FNBP1: variants seen among roughly 807,000 people sequenced by gnomAD.
The protein encoded by FNBP1 is formin-binding protein 1.
Under a neutral mutation model 90.6 loss-of-function variants are expected in FNBP1, and 26 were observed. That is an observed-to-expected ratio of 0.29 (90% CI 0.21 to 0.40). FNBP1 has a LOEUF of 0.40. Ranked by LOEUF, FNBP1 falls within the 10% of genes least tolerant of loss-of-function variation. FNBP1 has a pLI of 1.00. For synonymous variants in FNBP1, 260 were observed against 265.2 expected, an observed-to-expected ratio of 0.98 and a Z score of 0.19; for missense variants, 635 against 768.0, an observed-to-expected ratio of 0.83 and a Z score of 2.05.
At chr9:129,987,384 T>C (rs10739770) in intron 2 of FNBP1, among the ~76,000 whole-genome samples, 150,604 of 152,094 alleles carry the variant, frequency 0.99, 74,596 homozygotes, top group Non-Finnish European at 1. Flanking sequence ...CCCAGTCATA[T>C]AACTCAACTA....
In FNBP1 at chr9:129,890,072, C is replaced by T. The variant is rs1304330796; in HGVS notation, c.*467G>A. ...TCTACAGCAGACAGTCTGGGACACA[C>T]GGATGACATCGACACGGATGACATC... is the stretch of plus-strand genomic sequence containing the variant. On this transcript the variant is annotated 3_prime_UTR_variant, in exon 17 of 17. Coordinates refer to ENST00000446176, the MANE Select transcript of FNBP1 (RefSeq NM_015033.3). The surrounding 1 kb of genome is among the most constrained non-coding windows in gnomAD (Gnocchi z 5.8). 7.6e-6 allele frequency: 2 copies of T among 262,398 alleles called. No individual in the cohort carries two copies. Among genetic ancestry groups the T allele is most frequent in the East Asian group, 5.8e-5 (1 of 17,252 alleles). 16.3% of individuals were successfully genotyped at this position (262,398 alleles called of 1,614,324 possible).
rs2059939418 is a variant in FNBP1 at position 130,042,677 on chromosome 9, G to A, written c.24+275C>T. Among the ~76,000 whole-genome samples the A allele has an allele frequency of 6.6e-6, 1 of 151,660 alleles. No individual in the cohort carries two copies. The highest frequency in any genetic ancestry group is 6.6e-5 in the Admixed American group (1 of 15,218). ...CCCGACACACACGGCCCGCTCCGGG[G>A]CGCCGGGGACAGGGAGGCCCGCCCG... On this transcript the variant is annotated intron_variant, in intron 1 of 16. Coordinates refer to ENST00000446176, the MANE Select transcript of FNBP1 (RefSeq NM_015033.3). This position sits in a 1 kb window ranked among gnomAD's most constrained non-coding sequence, Gnocchi z 5.5.
chr9:130,005,708 T>G (rs529647973), intron 1 of FNBP1, among the ~76,000 whole-genome samples: 7 of 152,342 alleles, frequency 4.6e-5, no homozygotes, highest in African/African-American at 1.7e-4. Flanking sequence ...GAAAAAGGAT[T>G]ACCCAAAGTG....
rs777015105 is a variant in FNBP1 at position 129,890,551 on chromosome 9, A to T, written c.1847-5T>A. ...CAGGCACTCCCCTCTAGGAATCTACAACACAAAGAGAAACAGAAAGAGAAA... is the reference window on the plus strand; with the variant it reads ...CAGGCACTCCCCTCTAGGAATCTACTACACAAAGAGAAACAGAAAGAGAAA... On this transcript the variant is annotated splice_polypyrimidine_tract_variant and splice_region_variant and intron_variant, in intron 16 of 16. Transcript: ENST00000446176. The surrounding 1 kb of genome is among the most constrained non-coding windows in gnomAD (Gnocchi z 5.8). 2 of 1,583,796 alleles carry T rather than the reference A, an allele frequency of 1.3e-6. No homozygotes were observed. Among genetic ancestry groups the T allele is most frequent in the Non-Finnish European group, 1.7e-6 (2 of 1,165,684 alleles).
At chr9:129,997,529 A>T (rs1322671) in intron 1 of FNBP1, among the ~76,000 whole-genome samples, 4 of 152,002 alleles carry the variant, frequency 2.6e-5, no homozygotes, top group African/African-American at 9.7e-5. Context: ...ACGAGACTGA[A>T]GATCACCTTA....
chr9:129,953,695 G>C (rs779341087), intron 6 of FNBP1, among the ~76,000 whole-genome samples: 2 of 151,952 alleles, frequency 1.3e-5, no homozygotes, highest in African/African-American at 2.4e-5. Flanking sequence ...CAGTACTTAA[G>C]TGGGAAGTCT....
intron 1 of FNBP1, among the ~76,000 whole-genome samples, chr9:130,015,575 C>G (rs564980916): frequency 6.6e-6 from 1 of 152,184 alleles, no homozygotes; most frequent in Admixed American, 6.5e-5. Context: ...ACAAGGATCC[C>G]TAACTTGCTG....
intron 1 of FNBP1, among the ~76,000 whole-genome samples, chr9:130,021,683 CA>C (rs904425965): frequency 6.7e-6 from 1 of 149,930 alleles, no homozygotes; most frequent in African/African-American, 2.5e-5. Context: ...AAGGAGACTT[CA>C]AAAAAAAACA....
At chr9:130,022,861 G>C (rs2057977157) in intron 1 of FNBP1, among the ~76,000 whole-genome samples, 1 of 152,090 alleles carries the variant, frequency 6.6e-6, no homozygotes, top group South Asian at 2.1e-4. Context: ...TGTTTTGATA[G>C]AGACAGGGGT....
chr9:130,035,396 G>A (rs1207707469), intron 1 of FNBP1, among the ~76,000 whole-genome samples: 1 of 151,730 alleles, frequency 6.6e-6, no homozygotes, highest in East Asian at 1.9e-4. Context: ...CATTGGCCTG[G>A]TGGGGACTCT....
In FNBP1 at chr9:129,900,338, T is replaced by C. The variant is rs1225346257; in HGVS notation, c.1550+88A>G. The C allele has an allele frequency of 4.9e-5, 67 of 1,365,762 alleles. No homozygotes were observed. The highest frequency in any genetic ancestry group is 6.3e-5 in the Non-Finnish European group (65 of 1,031,712). 84.6% of individuals were successfully genotyped at this position (1,365,762 alleles called of 1,614,324 possible). ...ACATTTTGGCATTGAACAAGTGCCT[T>C]ATGGTCATTCCAGATTCCAAAATTT... On this transcript the variant is annotated intron_variant, in intron 14 of 16. Transcript: ENST00000446176. The surrounding 1 kb of genome is among the most constrained non-coding windows in gnomAD (Gnocchi z 4.1).
intron 12 of FNBP1, among the ~76,000 whole-genome samples, chr9:129,905,936 T>C (rs1231860519): frequency 6.6e-6 from 1 of 151,414 alleles, no homozygotes; most frequent in Non-Finnish European, 1.5e-5. Flanking sequence ...TAGGCTGGAA[T>C]GTAATGGCGC....
Position 129,924,010 on chromosome 9 carries a change from GT to G in FNBP1, c.1003del (p.Thr335HisfsTer41). ...GGGAGGGGGAGGCTGATGGGGGGAT[GT>G]TAAAAGGGACATAAGCTACATGTAA... The part of the protein sequence containing the change: ...IKKNKLMSLL[T>X]SPHQPPPPPP... On this transcript the variant is annotated frameshift_variant, in exon 10 of 17. Transcript: ENST00000446176. LOFTEE classifies it high-confidence loss of function. The G allele has an allele frequency of 6.6e-7, 1 of 1,514,776 alleles. No homozygotes were observed. Among genetic ancestry groups the G allele is most frequent in the Non-Finnish European group, 8.8e-7 (1 of 1,134,470 alleles). The allele number at this position is 1,514,776 out of a possible 1,614,324, so 93.8% of individuals were successfully genotyped here. A position where few individuals can be genotyped will look rare whatever the true frequency, so the allele number is the denominator to read the frequency against.
At chr9:129,917,066 G>A (rs2040371675) in intron 10 of FNBP1, among the ~76,000 whole-genome samples, 1 of 152,100 alleles carries the variant, frequency 6.6e-6, no homozygotes, top group Non-Finnish European at 1.5e-5. Context: ...AGGCAGGAGT[G>A]CAGTGGCGTA....
At chr9:129,987,557 AT>A (rs201387645) in intron 2 of FNBP1, among the ~76,000 whole-genome samples, 1,607 of 152,030 alleles carry the variant, frequency 0.011, 53 homozygotes, top group African/African-American at 0.037. Flanking sequence ...TTTAATATTT[AT>A]TTTTTTGAGA....
intron 11 of FNBP1, among the ~76,000 whole-genome samples, chr9:129,911,958 A>T (rs1461768595): frequency 6.6e-6 from 1 of 151,820 alleles, no homozygotes; most frequent in Non-Finnish European, 1.5e-5. Context: ...CCCAAAAACA[A>T]ACCAGTAAAT....
At chr9:129,953,335 C>A (rs1245625086) in intron 6 of FNBP1, among the ~76,000 whole-genome samples, 1 of 151,758 alleles carries the variant, frequency 6.6e-6, no homozygotes, top group Non-Finnish European at 1.5e-5. Flanking sequence ...AAAATACACA[C>A]AAAAAATTAT....
chr9:129,925,766 G>C (rs1179466770), intron 8 of FNBP1, among the ~76,000 whole-genome samples: 2 of 150,500 alleles, frequency 1.3e-5, no homozygotes, highest in African/African-American at 4.9e-5. Context: ...GCTAATTTTT[G>C]TATTTTTAGT....
chr9:129,971,604 T>G (rs1175528217), intron 4 of FNBP1, among the ~76,000 whole-genome samples: 1 of 152,086 alleles, frequency 6.6e-6, no homozygotes, highest in Non-Finnish European at 1.5e-5. Flanking sequence ...TCGGCCAGGC[T>G]GGTCTCAAAC....
Sources: allele counts gnomAD v4.1 joint callset (sites outside exome capture counted in the v4.1 genomes callset), GRCh38; gene constraint gnomAD v4.1.1; non-coding constraint Gnocchi (gnomAD v3.1); transcripts MANE v1.5; gene names NCBI Gene and HGNC (gene_info 2026-07-23, HGNC 2026-07-21).